Variants in NADK observed in about 807,000 individuals in gnomAD.
NADK encodes poly(P)/ATP NAD kinase.
Under a neutral mutation model 49.8 loss-of-function variants are expected in NADK, and 22 were observed. That is an observed-to-expected ratio of 0.44 (90% CI 0.32 to 0.63). The LOEUF is 0.63. Among genes scored for constraint, NADK ranks in the 30% least tolerant of loss-of-function variants. The pLI is 0.06. For missense variants in NADK, 438 were observed against 609.4 expected (o/e 0.72, Z 2.96); for synonymous variants, 268 against 253.7 (o/e 1.06, Z -0.54).
In NADK at chr1:1,765,345, T is replaced by C; in HGVS notation, c.62A>G (p.Tyr21Cys). ...ATCGCCGTGGCAGGCCGAGCAGCAG[T>C]AAGCAGCCGCGTCTGGACTCAATTC... ...NKELSPDAAA[Y>C]CCSACHGDET... is the part of the protein sequence containing the mutation. The change falls in exon 2 of 12, where the codon TAC becomes TGC. Residue 21 changes from tyrosine (Y) to cysteine (C), a missense_variant. Physicochemically the swap from Tyr to Cys is radical, Grantham distance 194 (BLOSUM62 -2). Transcript: ENST00000341426. 2 of 1,613,590 alleles carry C rather than the reference T, an allele frequency of 1.2e-6. No individual in the cohort carries two copies. The highest frequency in any genetic ancestry group is 1.7e-6 in the Non-Finnish European group (2 of 1,179,766).
intron 1 of NADK, among the ~76,000 whole-genome samples, chr1:1,775,962 A>T (rs574782923): frequency 1.3e-5 from 2 of 152,286 alleles, no homozygotes; most frequent in East Asian, 3.9e-4. Context: ...GGTGACTGTC[A>T]ACAGGTATAT....
chr1:1,776,181 T>C (rs1028878123), intron 1 of NADK, among the ~76,000 whole-genome samples: 2 of 152,180 alleles, frequency 1.3e-5, no homozygotes, highest in African/African-American at 4.8e-5. Context: ...CTACATTTCC[T>C]CAAGCGTGAA....
intron 1 of NADK, among the ~76,000 whole-genome samples, chr1:1,768,342 A>G (rs1333587238): frequency 6.6e-6 from 1 of 152,104 alleles, no homozygotes; most frequent in African/African-American, 2.4e-5. Flanking sequence ...GTTCAGGAAC[A>G]GCCTGGGCAA....
upstream of NADK, among the ~76,000 whole-genome samples, chr1:1,779,515 G>A (rs1646310302): frequency 6.6e-6 from 1 of 152,034 alleles, no homozygotes. Context: ...TGTCTCATTC[G>A]TCCCCCAGGC....
At chr1:1,765,914 A>AT (rs1645871634) in intron 1 of NADK, among the ~76,000 whole-genome samples, 1 of 151,824 alleles carries the variant, frequency 6.6e-6, no homozygotes, top group African/African-American at 2.4e-5. Context: ...TCATCTCAAA[A>AT]TTTTTTCTGT....
chr1:1,758,604 A>G (rs1401015980), intron 3 of NADK: 2 of 1,482,274 alleles, frequency 1.3e-6, no homozygotes, highest in South Asian at 1.4e-5. Context: ...GCAAAACACA[A>G]TTGTGATGAG....
rs1481704581 is a variant in NADK at position 1,778,050 on chromosome 1, G to A, written c.-41+239C>T. Among the ~76,000 whole-genome samples, 1 of 152,172 alleles carries A rather than the reference G, an allele frequency of 6.6e-6. No individual in the cohort carries two copies. The highest frequency in any genetic ancestry group is 1.5e-5 in the Non-Finnish European group (1 of 68,016). On this transcript the variant is annotated intron_variant, in intron 1 of 11. Coordinates refer to ENST00000341426, the MANE Select transcript of NADK (RefSeq NM_023018.5). This position sits in a 1 kb window ranked among gnomAD's most constrained non-coding sequence, Gnocchi z 4.9. ...GGCCCCACCTTCCCCGCCCGGGAGAGCCAGGCCGGACAGCGGCCTCCCTCA... is the reference window on the plus strand; with the variant it reads ...GGCCCCACCTTCCCCGCCCGGGAGAACCAGGCCGGACAGCGGCCTCCCTCA...
At chr1:1,768,343 G>T (rs1310281617) in intron 1 of NADK, among the ~76,000 whole-genome samples, 2 of 152,086 alleles carry the variant, frequency 1.3e-5, no homozygotes, top group African/African-American at 2.4e-5. Context: ...TTCAGGAACA[G>T]CCTGGGCAAC....
At chr1:1,768,044 G>A (rs1038271467) in intron 1 of NADK, among the ~76,000 whole-genome samples, 8 of 152,036 alleles carry the variant, frequency 5.3e-5, no homozygotes, top group Middle Eastern at 3.4e-3. Context: ...GGTGGCGGGC[G>A]CCTGTAATCC....
In NADK at chr1:1,756,488, C is replaced by G. The variant is rs1210707457; in HGVS notation, c.499+15G>C. 1 of 1,613,912 alleles carries G rather than the reference C, an allele frequency of 6.2e-7. No individual in the cohort carries two copies. The highest frequency in any genetic ancestry group is 1.1e-5 in the South Asian group (1 of 91,080). ...TGTGCTGGAGAAACCAAGGACAGAGCTGCTGACAGCCCACCTTCTCGAAAG... is the reference window on the plus strand; with the variant it reads ...TGTGCTGGAGAAACCAAGGACAGAGGTGCTGACAGCCCACCTTCTCGAAAG... On this transcript the variant is annotated intron_variant, in intron 5 of 11. Coordinates refer to ENST00000341426, the MANE Select transcript of NADK (RefSeq NM_023018.5).
chr1:1,760,421 A>C (rs956827214), intron 3 of NADK, among the ~76,000 whole-genome samples: 1 of 151,850 alleles, frequency 6.6e-6, no homozygotes, highest in African/African-American at 2.4e-5. Context: ...TCCTCGGATG[A>C]CTCCCCCGTG....
At chr1:1,762,550 G>GT (rs1438995997) in intron 2 of NADK, among the ~76,000 whole-genome samples, 2 of 152,160 alleles carry the variant, frequency 1.3e-5, no homozygotes, top group African/African-American at 4.8e-5. Flanking sequence ...GAGGTCAGGA[G>GT]TTTGAGACCA....
intron 3 of NADK, chr1:1,758,361 T>G: frequency 6.2e-7 from 1 of 1,607,480 alleles, no homozygotes; most frequent in Non-Finnish European, 8.5e-7. Context: ...TGGTCAGCAC[T>G]CACCCTGTGC....
At position 1,778,402 on chromosome 1, in the gene NADK, T is replaced by A. The variant is rs961189408; in HGVS notation, c.-154A>T. 6.7e-6 allele frequency: 1 copy of A among 149,240 alleles called. No homozygotes were observed. The highest frequency in any genetic ancestry group is 2.0e-4 in the East Asian group (1 of 5,128). 9.2% of individuals were successfully genotyped at this position (149,240 alleles called of 1,614,324 possible). ...CCTGGCCCTTGGCGCCCTGGCCGCC[T>A]GTTGCCCCATGGCCGCCCGGACCCC... On this transcript the variant is annotated 5_prime_UTR_variant, in exon 1 of 12. Transcript: ENST00000341426. The surrounding 1 kb of genome is among the most constrained non-coding windows in gnomAD (Gnocchi z 4.9).
At chr1:1,760,837 C>G (rs1382480319) in intron 3 of NADK, among the ~76,000 whole-genome samples, 2 of 152,218 alleles carry the variant, frequency 1.3e-5, no homozygotes, top group Non-Finnish European at 2.9e-5. Flanking sequence ...GCTGGGAGCT[C>G]ACTTTTTTCT....
intron 3 of NADK, chr1:1,759,667 A>G: frequency 6.7e-7 from 1 of 1,486,014 alleles, no homozygotes; most frequent in South Asian, 1.3e-5. Flanking sequence ...CAGAGCCCAG[A>G]GGGGGCGTGC....
At position 1,752,646 on chromosome 1, in the gene NADK, A is replaced by G. The variant is rs898355068; in HGVS notation, c.*258T>C. The stretch of plus-strand genomic sequence containing the variant: ...TTGCGGCAGCTGGAGGCCGCGCTCC[A>G]GGGACCCACCGCGGGGTGTCAGCAG... On this transcript the variant is annotated 3_prime_UTR_variant, in exon 12 of 12. Transcript: ENST00000341426. 4.8e-6 allele frequency: 2 copies of G among 416,334 alleles called. No homozygotes were observed. Among genetic ancestry groups the G allele is most frequent in the Non-Finnish European group, 8.5e-6 (2 of 234,910 alleles). 25.8% of individuals were successfully genotyped at this position (416,334 alleles called of 1,614,324 possible).
intron 1 of NADK, among the ~76,000 whole-genome samples, chr1:1,772,700 T>C (rs1001564732): frequency 5.3e-5 from 8 of 151,650 alleles, no homozygotes; most frequent in African/African-American, 1.9e-4. Flanking sequence ...GTATTTCAAT[T>C]CCCTGGTTTT....
At chr1:1,763,680 C>A (rs1645799634) in intron 2 of NADK, among the ~76,000 whole-genome samples, 1 of 150,932 alleles carries the variant, frequency 6.6e-6, no homozygotes, top group African/African-American at 2.4e-5. Flanking sequence ...TACTTACTTA[C>A]GAACTGAAAA....
Sources: gnomAD v4.1 joint callset for allele counts (sites outside exome capture counted in the v4.1 genomes callset) on GRCh38, gnomAD v4.1.1 for gene constraint, Gnocchi (gnomAD v3.1) non-coding constraint, MANE v1.5 for transcripts, NCBI Gene and HGNC (gene_info 2026-07-23, HGNC 2026-07-21) for gene names.